The following HMCN1 variants were observed in gnomAD, a reference collection of about 807,000 sequenced individuals.
HMCN1 encodes hemicentin-1.
A neutral mutation model predicts 625.9 loss-of-function variants in HMCN1; 321 were observed. That is an observed-to-expected ratio of 0.51 (90% CI 0.47 to 0.56). HMCN1 has a LOEUF of 0.56. Among genes scored for constraint, HMCN1 ranks in the 20% least tolerant of loss-of-function variants. HMCN1 has a pLI of 0.00. For synonymous variants in HMCN1, 2,425 were observed against 2,417.6 expected, an observed-to-expected ratio of 1.00 and a Z score of -0.09; for missense variants, 6,588 against 6,887.3, an observed-to-expected ratio of 0.96 and a Z score of 1.54.
chr1:186,087,886 A>T, intron 60 of HMCN1, 46 bp from the exon 61 acceptor site: 1 of 1,509,810 alleles, frequency 6.6e-7, no homozygotes, highest in Middle Eastern at 1.7e-4. Flanking sequence ...ATGATTGGTC[A>T]TCTATAACTT....
chr1:185,875,792 T>C (rs1663891077), intron 4 of HMCN1, among the ~76,000 whole-genome samples: 1 of 152,112 alleles, frequency 6.6e-6, no homozygotes, highest in South Asian at 2.1e-4. Flanking sequence ...GATTCAGTTA[T>C]TTCTTTTTTT....
intron 1 of HMCN1, among the ~76,000 whole-genome samples, chr1:185,804,707 G>A (rs942619023): frequency 1.3e-5 from 2 of 151,930 alleles, no homozygotes; most frequent in Non-Finnish European, 2.9e-5. Flanking sequence ...CACACCTTTA[G>A]GACATTTCTT....
chr1:186,001,842 A>T, intron 28 of HMCN1, 101 bp downstream of exon 28: 1 of 963,362 alleles, frequency 1.0e-6, no homozygotes. Flanking sequence ...ATAAATTGAC[A>T]GAAAAACTAT....
chr1:186,004,269 G>A (rs1653398514), intron 29 of HMCN1, among the ~76,000 whole-genome samples: 1 of 152,192 alleles, frequency 6.6e-6, no homozygotes, highest in Non-Finnish European at 1.5e-5. Flanking sequence ...TCCAACTCCA[G>A]ATCTCAAGGA....
At chr1:185,999,176 G>A (rs945490213) in intron 25 of HMCN1, among the ~76,000 whole-genome samples, 16 of 151,756 alleles carry the variant, frequency 1.1e-4, no homozygotes, top group African/African-American at 3.4e-4. Flanking sequence ...ATATTTTACT[G>A]TCATTTAATA....
intron 4 of HMCN1, among the ~76,000 whole-genome samples, chr1:185,898,167 G>C (rs901925847): frequency 2.0e-5 from 3 of 152,186 alleles, no homozygotes; most frequent in African/African-American, 4.8e-5. Flanking sequence ...GTAATACAGA[G>C]AACAGGACTT....
chr1:185,986,253 G>A (rs2891184), intron 19 of HMCN1, among the ~76,000 whole-genome samples: 4,456 of 152,146 alleles, frequency 0.029, 220 homozygotes, highest in African/African-American at 0.1. Flanking sequence ...CCTTCCAAGG[G>A]ATTTTTTTGC....
At chr1:185,745,196 T>C (rs1162757729) in intron 1 of HMCN1, among the ~76,000 whole-genome samples, 1 of 152,112 alleles carries the variant, frequency 6.6e-6, no homozygotes, top group Non-Finnish European at 1.5e-5. Flanking sequence ...CATTAACTTA[T>C]CCAAGATAAA....
chr1:186,103,385 A>G, intron 68 of HMCN1, 87 bp from the exon 69 acceptor site: 1 of 1,056,782 alleles, frequency 9.5e-7, no homozygotes, highest in Non-Finnish European at 1.5e-6. Flanking sequence ...TGTGAATGTG[A>G]ATTTGTGTTG....
At chr1:185,797,403 T>A (rs989440624) in intron 1 of HMCN1, among the ~76,000 whole-genome samples, 1 of 152,184 alleles carries the variant, frequency 6.6e-6, no homozygotes, top group South Asian at 2.1e-4. Context: ...CCTCTAGGCT[T>A]AAGCAGTCTT....
At chr1:186,087,697 A>G (rs756710047) in intron 60 of HMCN1, 52 bp downstream of exon 60, 2 of 1,539,014 alleles carry the variant, frequency 1.3e-6, no homozygotes, top group African/African-American at 2.7e-5. Flanking sequence ...GGGGTGGTGG[A>G]AAAGATGCTT....
chr1:185,766,880 A>G (rs1161840690), intron 1 of HMCN1, among the ~76,000 whole-genome samples: 3 of 152,156 alleles, frequency 2.0e-5, no homozygotes, highest in East Asian at 3.8e-4. Context: ...TTAAGGTTTC[A>G]TAATTGTCAG....
chr1:186,023,278 AAAAC>A (rs1654839735), intron 36 of HMCN1, 125 bp downstream of exon 36: 1 of 856,312 alleles, frequency 1.2e-6, no homozygotes, highest in East Asian at 2.7e-5. Flanking sequence ...CTGTATAAAA[AAAAC>A]CTAGGGTTTT....
At chr1:185,852,870 T>G (rs1017214293) in intron 2 of HMCN1, among the ~76,000 whole-genome samples, 1 of 152,120 alleles carries the variant, frequency 6.6e-6, no homozygotes, top group Admixed American at 6.6e-5. Flanking sequence ...GCAAGTGTTT[T>G]AAAATCATTT....
intron 30 of HMCN1, among the ~76,000 whole-genome samples, chr1:186,012,930 C>T (rs1451946976): frequency 6.6e-6 from 1 of 152,014 alleles, no homozygotes; most frequent in Non-Finnish European, 1.5e-5. Context: ...CTAAATACTC[C>T]ACACTGTGCT....
rs1331183942 is a variant in HMCN1 at position 185,970,599 on chromosome 1, A to G, written c.2371+106A>G. 5.4e-6 allele frequency: 5 copies of G among 928,860 alleles called. No homozygotes were observed. The African/African-American group carries it at 8.1e-5, about 15-fold the overall frequency. 57.5% of individuals were successfully genotyped at this position (928,860 alleles called of 1,614,324 possible). Reference sequence around the variant, plus strand: ...GGTAGAATTATTCATCAGAATGGCAAAATTAGAGGGTGCATTTCAGATTAA... The same window carrying G: ...GGTAGAATTATTCATCAGAATGGCAGAATTAGAGGGTGCATTTCAGATTAA... On this transcript the variant is annotated intron_variant, in intron 15 of 106. Transcript: ENST00000271588.
chr1:186,164,379 A>G (rs955371635), intron 97 of HMCN1, among the ~76,000 whole-genome samples: 2 of 151,806 alleles, frequency 1.3e-5, no homozygotes. Flanking sequence ...AGCTGGGACT[A>G]CAGGCACCTG....
intron 5 of HMCN1, among the ~76,000 whole-genome samples, chr1:185,910,972 C>T (rs1222157428): frequency 6.6e-6 from 1 of 152,162 alleles, no homozygotes; most frequent in Admixed American, 6.5e-5. Context: ...TTCCTCTTTT[C>T]TAAGTTCCAA....
Position 186,057,342 on chromosome 1 carries a change from T to C in HMCN1, c.7253T>C (p.Ile2418Thr), listed in dbSNP as rs12129650. ...CEASGIPLPS[I>T]TWFKDGWPVS... is the part of the protein sequence containing the mutation. ...GCTTCTGGAATTCCCCTGCCTTCCA[T>C]AACCTGGTTCAAAGATGGGTGGCCT... The change falls in exon 46 of 107, where the codon ATA (isoleucine) becomes ACA (threonine). Residue 2418 changes from isoleucine (I) to threonine (T), a missense_variant. By Grantham distance (89) the Ile-to-Thr change is moderately conservative (BLOSUM62 -1). This residue lies in a region of HMCN1 where 4,628 missense variants were observed against 4,853.1 expected (regional missense o/e 0.95). Coordinates refer to ENST00000271588, the MANE Select transcript of HMCN1 (RefSeq NM_031935.3). The C allele has an allele frequency of 0.52, 830,365 of 1,608,136 alleles. 216,516 individuals are homozygous for C. The highest frequency in any genetic ancestry group is 0.66 in the Admixed American group (39,294 of 59,824).
Sources: gnomAD v4.1 joint callset for allele counts (sites outside exome capture counted in the v4.1 genomes callset) on GRCh38, gnomAD v4.1.1 for gene constraint, gnomAD v4.1.1 regional missense constraint, MANE v1.5 for transcripts, NCBI Gene and HGNC (gene_info 2026-07-23, HGNC 2026-07-21) for gene names.